The following SAMD8 variants were observed in gnomAD, a reference collection of about 807,000 sequenced individuals.
SAMD8 encodes the protein sterile alpha motif domain containing 8.
Under a neutral mutation model 42.0 loss-of-function variants are expected in SAMD8, and 20 were observed. The ratio of observed to expected loss-of-function variants is 0.48; its 90% CI spans 0.34 to 0.69. The LOEUF (loss-of-function observed/expected upper bound fraction) is 0.69. Ranked by LOEUF, SAMD8 falls within the 30% of genes least tolerant of loss-of-function variation. SAMD8 has a pLI of 0.01. For missense variants in SAMD8, 328 were observed against 511.6 expected, an observed-to-expected ratio of 0.64 and a Z score of 3.46; for synonymous variants, 162 against 173.0, an observed-to-expected ratio of 0.94 and a Z score of 0.50.
At chr10:75,132,727 G>A (rs754872224) in intron 1 of SAMD8, among the ~76,000 whole-genome samples, 1 of 151,812 alleles carries the variant, frequency 6.6e-6, no homozygotes, top group Non-Finnish European at 1.5e-5. Context: ...GGTGGCTCAC[G>A]GCTGTAATCC....
chr10:75,102,665 G>C (rs899273299), intron 1 of SAMD8, among the ~76,000 whole-genome samples: 2 of 151,832 alleles, frequency 1.3e-5, no homozygotes, highest in Non-Finnish European at 1.5e-5. Context: ...AAAAATTAGT[G>C]AGTTGGGCTG....
upstream of SAMD8, among the ~76,000 whole-genome samples, chr10:75,107,262 G>A (rs966678259): frequency 6.6e-6 from 1 of 151,728 alleles, no homozygotes; most frequent in Non-Finnish European, 1.5e-5. Flanking sequence ...TTGAAGCCCA[G>A]AGGCAGAGGT....
At position 75,179,128 on chromosome 10, in the gene SAMD8, GC is replaced by G. The variant is rs1474669628; in HGVS notation, c.*2437del. On this transcript the variant is annotated 3_prime_UTR_variant, in exon 6 of 6. Coordinates refer to ENST00000542569, the MANE Select transcript of SAMD8 (RefSeq NM_001174156.2). ...AGGCTAAGGCAGGAGGATCACTTGA[GC>G]TCAGGTAAAAGAGACCAGCCTGGGC... is the stretch of plus-strand genomic sequence containing the variant. The G allele has an allele frequency of 1.3e-5, 2 of 152,250 alleles. No homozygotes were observed. Among genetic ancestry groups the G allele is most frequent in the African/African-American group, 4.8e-5 (2 of 41,454 alleles). The allele number at this position is 152,250 out of a possible 1,614,324, so 9.4% of individuals were successfully genotyped here.
At chr10:75,175,214 T>C (rs1332947998) in intron 4 of SAMD8, among the ~76,000 whole-genome samples, 7 of 152,216 alleles carry the variant, frequency 4.6e-5, no homozygotes, top group Admixed American at 4.6e-4. Flanking sequence ...TAGATCTTAT[T>C]GTACAGAACT....
intron 1 of SAMD8, among the ~76,000 whole-genome samples, chr10:75,147,244 TTGGTGG>T (rs1214407441): frequency 4.6e-5 from 7 of 152,260 alleles, no homozygotes; most frequent in Non-Finnish European, 7.4e-5. Context: ...ATGGAACCCA[TTGGTGG>T]TAAGCTGTTA....
chr10:75,120,161 C>T lies in SAMD8; in HGVS notation c.-16+8439C>T, dbSNP rs1319672040. 2.0e-5 allele frequency among the ~76,000 whole-genome samples: 3 copies of T among 152,344 alleles called. No individual in the cohort carries two copies. In the East Asian group the frequency reaches 5.8e-4, roughly 29 times the overall value. ...AGCCCAGTGGAATAGCTGTGTCTTT[C>T]TAGTTTTTAGTGCCTATCACTTTAG... On this transcript the variant is annotated intron_variant, in intron 1 of 5. Coordinates refer to ENST00000542569, the MANE Select transcript of SAMD8 (RefSeq NM_001174156.2).
intron 1 of SAMD8, among the ~76,000 whole-genome samples, chr10:75,139,862 T>C (rs961643703): frequency 6.6e-6 from 1 of 152,206 alleles, no homozygotes; most frequent in Admixed American, 6.5e-5. Flanking sequence ...GTTTTTGGTG[T>C]CACATCTAAG....
At position 75,120,681 on chromosome 10, in the gene SAMD8, C is replaced by G. The variant is rs191132456; in HGVS notation, c.-16+8959C>G. 1.1e-3 allele frequency among the ~76,000 whole-genome samples: 169 copies of G among 151,660 alleles called. 1 individual carries two copies. The Middle Eastern group carries it at 0.021, about 18-fold the overall frequency. On this transcript the variant is annotated intron_variant, in intron 1 of 5. Coordinates refer to ENST00000542569, the MANE Select transcript of SAMD8 (RefSeq NM_001174156.2). ...GAGCAGTGCATATTGATGTGTAGAG[C>G]AATGCATTGAGTAACTAGAACCTCT... is the stretch of plus-strand genomic sequence containing the variant.
chr10:75,166,177 A>G (rs1310377401), intron 3 of SAMD8, among the ~76,000 whole-genome samples: 1 of 151,960 alleles, frequency 6.6e-6, no homozygotes, highest in Non-Finnish European at 1.5e-5. Context: ...GCTAACTCAC[A>G]GGCAGTGTAC....
intron 4 of SAMD8, among the ~76,000 whole-genome samples, chr10:75,172,546 A>G (rs1452715783): frequency 6.6e-6 from 1 of 151,104 alleles, no homozygotes; most frequent in East Asian, 1.9e-4. Context: ...CGCCCCGGCT[A>G]GCGTGCGGTG....
At chr10:75,138,958 CTT>C (rs201911661) in intron 1 of SAMD8, among the ~76,000 whole-genome samples, 5 of 133,304 alleles carry the variant, frequency 3.8e-5, no homozygotes, top group Non-Finnish European at 1.6e-5. Flanking sequence ...GTGGTTTTTT[CTT>C]TTTTTTTTTT....
intron 2 of SAMD8, among the ~76,000 whole-genome samples, chr10:75,152,249 G>A (rs1309825918): frequency 4.0e-5 from 6 of 151,532 alleles, no homozygotes; most frequent in South Asian, 4.2e-4. Flanking sequence ...AGGGCCGGGC[G>A]CGGTGGCTCA....
intron 1 of SAMD8, chr10:75,104,170 G>T: frequency 8.8e-7 from 1 of 1,140,524 alleles, no homozygotes; most frequent in Non-Finnish European, 1.2e-6. Flanking sequence ...TGTTGGGGCA[G>T]GGATAAGAGC....
chr10:75,163,945 G>A (rs1418336646), intron 2 of SAMD8, among the ~76,000 whole-genome samples: 3 of 152,154 alleles, frequency 2.0e-5, no homozygotes, highest in Non-Finnish European at 4.4e-5. Flanking sequence ...GGGGCCAGGC[G>A]CTGTGGCTCA....
intron 2 of SAMD8, among the ~76,000 whole-genome samples, chr10:75,162,482 T>A (rs1369887556): frequency 2.0e-5 from 3 of 151,848 alleles, no homozygotes; most frequent in Admixed American, 6.6e-5. Flanking sequence ...AAACCCCATC[T>A]CTACTAAAAA....
chr10:75,162,099 C>G (rs1589970696), intron 2 of SAMD8, among the ~76,000 whole-genome samples: 1 of 152,166 alleles, frequency 6.6e-6, no homozygotes, highest in Non-Finnish European at 1.5e-5. Flanking sequence ...TGGTTCACAC[C>G]TGTAATCCTA....
intron 1 of SAMD8, among the ~76,000 whole-genome samples, chr10:75,113,390 C>CT (rs202162870): frequency 0.026 from 3,825 of 144,502 alleles, 125 homozygotes; most frequent in African/African-American, 0.074. Flanking sequence ...TCTTTCCTTT[C>CT]TTTTTTTTTT....
At chr10:75,158,284 A>T (rs1235761759) in intron 2 of SAMD8, among the ~76,000 whole-genome samples, 1 of 152,054 alleles carries the variant, frequency 6.6e-6, no homozygotes, top group East Asian at 1.9e-4. Flanking sequence ...CAGAACAATG[A>T]GGCTTTTATT....
At chr10:75,132,718 G>A (rs1254918733) in intron 1 of SAMD8, among the ~76,000 whole-genome samples, 1 of 151,508 alleles carries the variant, frequency 6.6e-6, no homozygotes, top group Non-Finnish European at 1.5e-5. Context: ...GCCAGCTATG[G>A]TGGCTCACGG....
Sources: gnomAD v4.1 joint callset for allele counts (sites outside exome capture counted in the v4.1 genomes callset) on GRCh38, gnomAD v4.1.1 for gene constraint, MANE v1.5 for transcripts, NCBI Gene and HGNC (gene_info 2026-07-23, HGNC 2026-07-21) for gene names.